Variants in KALRN observed in about 807,000 individuals in gnomAD.
The protein encoded by KALRN is kalirin.
In KALRN, 70 loss-of-function variants were observed where a neutral mutation model predicts 353.7. The ratio of observed to expected loss-of-function variants is 0.20; its 90% confidence interval spans 0.16 to 0.24. KALRN has a LOEUF of 0.24. Ranked by LOEUF, KALRN falls within the 10% of genes least tolerant of loss-of-function variation. KALRN has a pLI of 1.00. For synonymous variants in KALRN, 1,391 were observed against 1,434.8 expected (o/e 0.97, Z 0.69); for missense variants, 2,791 against 3,756.7 (o/e 0.74, Z 6.72).
At chr3:124,204,237 CTT>C (rs1173043014) in intron 1 of KALRN, among the ~76,000 whole-genome samples, 26 of 152,124 alleles carry the variant, frequency 1.7e-4, no homozygotes, top group Admixed American at 1.7e-3. Flanking sequence ...GTTCATTATG[CTT>C]TTATGAGTCT....
At chr3:124,434,589 A>G (rs903011785) in intron 17 of KALRN, 64 bp downstream of exon 17, 2 of 1,475,984 alleles carry the variant, frequency 1.4e-6, no homozygotes, top group African/African-American at 1.4e-5. Context: ...TCTGCCTTGC[A>G]GTGTAAATGT....
chr3:124,211,216 T>G (rs889852094), intron 1 of KALRN, among the ~76,000 whole-genome samples: 1 of 152,224 alleles, frequency 6.6e-6, no homozygotes, highest in South Asian at 2.1e-4. Flanking sequence ...TAGTCTCAGC[T>G]AATTCTCATA....
In KALRN at chr3:124,691,761, C is replaced by T. The variant is rs1332906567; in HGVS notation, c.7378-2043C>T. Among the ~76,000 whole-genome samples, 2 of 152,206 alleles carry T rather than the reference C, an allele frequency of 1.3e-5. 1 individual carries two copies. The highest frequency in any genetic ancestry group is 6.3e-3 in the Middle Eastern group (2 of 316). ...TGGGATGCCATTCTCCCTGCCTTAT[C>T]CAAACCAGGAAGAGAAATGTTTGGC... On this transcript the variant is annotated intron_variant, in intron 51 of 59. Coordinates refer to ENST00000682506, the MANE Select transcript of KALRN (RefSeq NM_001388419.1).
chr3:124,041,747 C>T (rs574818397), intron 1 of KALRN, among the ~76,000 whole-genome samples: 1 of 152,314 alleles, frequency 6.6e-6, no homozygotes, highest in Non-Finnish European at 1.5e-5. Context: ...CCTCCTGCCA[C>T]TCCTTTGTGT....
At chr3:124,675,329 C>CA in intron 49 of KALRN, 1 of 152,226 alleles carries the variant, frequency 6.6e-6, no homozygotes, top group East Asian at 1.9e-4. Flanking sequence ...ATGATGGCGT[C>CA]ACAGTGCTCA....
intron 1 of KALRN, among the ~76,000 whole-genome samples, chr3:124,212,137 AT>A (rs2076954235): frequency 6.6e-6 from 1 of 152,076 alleles, no homozygotes; most frequent in South Asian, 2.1e-4. Flanking sequence ...AGTTTGGGAT[AT>A]TTTTTTCACA....
intron 55 of KALRN, among the ~76,000 whole-genome samples, chr3:124,698,104 G>C (rs1314144337): frequency 6.6e-6 from 1 of 151,984 alleles, no homozygotes; most frequent in Non-Finnish European, 1.5e-5. Flanking sequence ...TGAGTAGCTG[G>C]GACTAAAGCG....
At chr3:124,202,929 G>A (rs1006159824) in intron 1 of KALRN, among the ~76,000 whole-genome samples, 3 of 152,224 alleles carry the variant, frequency 2.0e-5, no homozygotes, top group Non-Finnish European at 4.4e-5. Context: ...AGTGTGTCGT[G>A]CCAGCTGGCA....
At chr3:124,678,922 C>T (rs1260165396) in intron 50 of KALRN, among the ~76,000 whole-genome samples, 1 of 152,128 alleles carries the variant, frequency 6.6e-6, no homozygotes, top group Non-Finnish European at 1.5e-5. Context: ...CTTATTTACC[C>T]CCATCTTGAA....
intron 1 of KALRN, among the ~76,000 whole-genome samples, chr3:124,078,762 C>T (rs1343350700): frequency 6.6e-6 from 1 of 152,186 alleles, no homozygotes; most frequent in East Asian, 1.9e-4. Flanking sequence ...TGCATTTACT[C>T]GCAAGCACTT....
chr3:124,666,085 T>A (rs2085574122), intron 45 of KALRN, among the ~76,000 whole-genome samples: 1 of 152,164 alleles, frequency 6.6e-6, no homozygotes, highest in Non-Finnish European at 1.5e-5. Context: ...AAAGGCCACT[T>A]GCAGCTCCAA....
chr3:124,171,894 C>A (rs2071895885), intron 1 of KALRN, among the ~76,000 whole-genome samples: 1 of 152,124 alleles, frequency 6.6e-6, no homozygotes, highest in Non-Finnish European at 1.5e-5. Context: ...TGATGGGTAT[C>A]TTAAGCTCTC....
chr3:124,686,798 A>AT (rs10599336), intron 51 of KALRN, among the ~76,000 whole-genome samples: 1,363 of 70,536 alleles, frequency 0.019, 112 homozygotes, highest in Non-Finnish European at 0.027. Flanking sequence ...CACTGGTGAG[A>AT]TTTTTTTTTT....
chr3:124,169,523 T>A (rs1251702189), intron 1 of KALRN, among the ~76,000 whole-genome samples: 1 of 152,150 alleles, frequency 6.6e-6, no homozygotes, highest in African/African-American at 2.4e-5. Flanking sequence ...TTGCAACTAC[T>A]GGTGCAGTGG....
chr3:124,603,531 G>T (rs2077021012), intron 34 of KALRN, among the ~76,000 whole-genome samples: 3 of 152,030 alleles, frequency 2.0e-5, no homozygotes, highest in Admixed American at 1.3e-4. Flanking sequence ...TCCTGTCCCT[G>T]GCTCTCCCTA....
chr3:124,437,955 G>T (rs1424186183), intron 17 of KALRN, among the ~76,000 whole-genome samples: 1 of 152,082 alleles, frequency 6.6e-6, no homozygotes, highest in Non-Finnish European at 1.5e-5. Context: ...AAGTATTATA[G>T]TAAATAGTTG....
At chr3:124,139,033 A>G (rs1279684073) in intron 1 of KALRN, among the ~76,000 whole-genome samples, 2 of 152,306 alleles carry the variant, frequency 1.3e-5, no homozygotes, top group Admixed American at 1.3e-4. Context: ...CGGGGAGCAT[A>G]TGGGAGGACT....
intron 33 of KALRN, among the ~76,000 whole-genome samples, chr3:124,539,238 A>C (rs2068787357): frequency 6.6e-6 from 1 of 152,202 alleles, no homozygotes; most frequent in Admixed American, 6.5e-5. Flanking sequence ...ACCCTGTTTC[A>C]GGGATATTAA....
chr3:124,326,874 G>A (rs1241750564), intron 7 of KALRN, among the ~76,000 whole-genome samples: 1 of 152,188 alleles, frequency 6.6e-6, no homozygotes, highest in East Asian at 1.9e-4. Context: ...TATGTTAAAA[G>A]CAAAGTTAAT....
Sources: allele counts gnomAD v4.1 joint callset (sites outside exome capture counted in the v4.1 genomes callset), GRCh38; gene constraint gnomAD v4.1.1; transcripts MANE v1.5; gene names NCBI Gene and HGNC (gene_info 2026-07-23, HGNC 2026-07-21).